Variants in ITPR1 observed in about 807,000 individuals in gnomAD.
ITPR1 encodes inositol 1,4,5-trisphosphate-gated calcium channel ITPR1.
Under a neutral mutation model 318.4 loss-of-function variants are expected in ITPR1, and 96 were observed. The ratio of observed to expected loss-of-function variants is 0.30; its 90% confidence interval spans 0.26 to 0.36. The LOEUF (loss-of-function observed/expected upper bound fraction) is 0.36. Ranked by LOEUF, ITPR1 falls within the 10% of genes least tolerant of loss-of-function variation. ITPR1 has a pLI of 1.00. For missense variants in ITPR1, 2,440 were observed against 3,460.2 expected, an observed-to-expected ratio of 0.71 and a Z score of 7.40; for synonymous variants, 1,312 against 1,289.9, an observed-to-expected ratio of 1.02 and a Z score of -0.37.
chr3:4,508,126 G>C (rs1436310277), intron 2 of ITPR1, among the ~76,000 whole-genome samples: 2 of 152,094 alleles, frequency 1.3e-5, no homozygotes, highest in Non-Finnish European at 2.9e-5. Flanking sequence ...ATGCTCAGAA[G>C]GGTTTCATTT....
intron 60 of ITPR1, among the ~76,000 whole-genome samples, chr3:4,834,807 C>T (rs376329880): frequency 3.2e-4 from 49 of 152,246 alleles, no homozygotes; most frequent in Admixed American, 5.9e-4. Flanking sequence ...TATTTTTTAA[C>T]GATCTTTTGC....
chr3:4,534,840 C>T (rs1368772821), intron 4 of ITPR1, among the ~76,000 whole-genome samples: 3 of 152,142 alleles, frequency 2.0e-5, no homozygotes, highest in South Asian at 2.1e-4. Context: ...TTCCCAGAAT[C>T]GTGGCATTTG....
chr3:4,805,334 G>A (rs566804916), intron 54 of ITPR1, among the ~76,000 whole-genome samples: 1 of 152,246 alleles, frequency 6.6e-6, no homozygotes, highest in Non-Finnish European at 1.5e-5. Context: ...CAGTGGGAAA[G>A]AACAAAATTA....
At chr3:4,613,677 C>A (rs535217483) in intron 4 of ITPR1, among the ~76,000 whole-genome samples, 2 of 152,138 alleles carry the variant, frequency 1.3e-5, no homozygotes, top group African/African-American at 4.8e-5. Flanking sequence ...TCCAGCAGTG[C>A]AAATTGGACA....
At chr3:4,618,573 C>A (rs561027008) in intron 4 of ITPR1, among the ~76,000 whole-genome samples, 1 of 152,246 alleles carries the variant, frequency 6.6e-6, no homozygotes, top group South Asian at 2.1e-4. Context: ...TGCAACCTTC[C>A]CCTAGAGTTA....
intron 4 of ITPR1, among the ~76,000 whole-genome samples, chr3:4,548,377 G>T (rs577817051): frequency 6.6e-6 from 1 of 152,144 alleles, no homozygotes; most frequent in African/African-American, 2.4e-5. Flanking sequence ...AGGGGTGTGC[G>T]TGTGTGTGAA....
At chr3:4,781,868 A>G (rs2046858808) in intron 49 of ITPR1, among the ~76,000 whole-genome samples, 1 of 152,162 alleles carries the variant, frequency 6.6e-6, no homozygotes, top group Non-Finnish European at 1.5e-5. Flanking sequence ...CTGTAGTTCC[A>G]GCTACTTGGG....
At chr3:4,742,664 G>T (rs1042914850) in intron 44 of ITPR1, among the ~76,000 whole-genome samples, 1 of 152,082 alleles carries the variant, frequency 6.6e-6, no homozygotes, top group African/African-American at 2.4e-5. Flanking sequence ...TTGCTATGTT[G>T]CTGAGGCTAG....
chr3:4,630,091 G>A (rs766912700), intron 5 of ITPR1, among the ~76,000 whole-genome samples: 9 of 152,054 alleles, frequency 5.9e-5, no homozygotes, highest in Non-Finnish European at 1.2e-4. Context: ...AAATTATAAA[G>A]GAGAAATAAA....
chr3:4,555,851 G>A (rs1195370289), intron 4 of ITPR1, among the ~76,000 whole-genome samples: 1 of 152,176 alleles, frequency 6.6e-6, no homozygotes, highest in Non-Finnish European at 1.5e-5. Context: ...TACTGCATAA[G>A]GAGGCTTGTC....
Position 4,656,370 on chromosome 3 carries a change from A to G in ITPR1, c.997-1754A>G, listed in dbSNP as rs77211750. 4.3e-3 allele frequency among the ~76,000 whole-genome samples: 657 copies of G among 152,334 alleles called. 4 individuals carry two copies. Among genetic ancestry groups the G allele is most frequent in the African/African-American group, 0.015 (635 of 41,568 alleles). ...TTTTGAAAGTGGCATGTGGAGTAAT[A>G]TGCCAGATGGTTCGGAGAGAACAAA... On this transcript the variant is annotated intron_variant, in intron 12 of 61. Transcript: ENST00000649015.
intron 4 of ITPR1, among the ~76,000 whole-genome samples, chr3:4,600,225 T>G (rs1426705344): frequency 6.6e-6 from 1 of 152,244 alleles, no homozygotes; most frequent in East Asian, 1.9e-4. Context: ...CAGTTTCCAC[T>G]CAAGGCAGAT....
At chr3:4,684,620 A>G (rs979305582) in intron 29 of ITPR1, among the ~76,000 whole-genome samples, 2 of 152,204 alleles carry the variant, frequency 1.3e-5, no homozygotes, top group African/African-American at 4.8e-5. Context: ...AAGCTTTACA[A>G]TTGAAGGAAG....
At chr3:4,506,178 C>T (rs1221415860) in intron 2 of ITPR1, among the ~76,000 whole-genome samples, 1 of 152,198 alleles carries the variant, frequency 6.6e-6, no homozygotes, top group African/African-American at 2.4e-5. Context: ...CTTCCCATTA[C>T]ATTTAGAATA....
intron 10 of ITPR1, among the ~76,000 whole-genome samples, chr3:4,649,209 T>A (rs2093537207): frequency 6.6e-6 from 1 of 152,254 alleles, no homozygotes; most frequent in African/African-American, 2.4e-5. Context: ...ACTGATTTAA[T>A]GTGCCTACTT....
Position 4,710,563 on chromosome 3 carries a change from G to GT in ITPR1, c.4991+96dup, listed in dbSNP as rs2041279423. On this transcript the variant is annotated intron_variant, in intron 38 of 61. Coordinates refer to ENST00000649015, the MANE Select transcript of ITPR1 (RefSeq NM_001378452.1). This position sits in a 1 kb window ranked among gnomAD's most constrained non-coding sequence, Gnocchi z 4.2. ...TTCCCGAAGAAGGAGACGTTGTCCT[G>GT]TTTTTTAACTTTGATGAATGCAAGG... is the stretch of plus-strand genomic sequence containing the variant. The GT allele has an allele frequency of 1.5e-6, 2 of 1,340,424 alleles. No individual in the cohort carries two copies. The highest frequency in any genetic ancestry group is 2.2e-5 in the Admixed American group (1 of 44,946). 83.0% of individuals were successfully genotyped at this position (1,340,424 alleles called of 1,614,324 possible).
At chr3:4,601,901 C>A (rs768575227) in intron 4 of ITPR1, among the ~76,000 whole-genome samples, 1 of 152,104 alleles carries the variant, frequency 6.6e-6, no homozygotes. Context: ...TTTGAATAGA[C>A]GTTTCTCCAA....
chr3:4,584,380 G>A (rs930742819), intron 4 of ITPR1, among the ~76,000 whole-genome samples: 9 of 152,068 alleles, frequency 5.9e-5, no homozygotes, highest in Admixed American at 3.9e-4. Flanking sequence ...ATTCCTTGGA[G>A]CTTATATTCG....
chr3:4,632,299 G>A (rs1350559159), intron 5 of ITPR1, among the ~76,000 whole-genome samples: 2 of 152,166 alleles, frequency 1.3e-5, no homozygotes, highest in African/African-American at 2.4e-5. Context: ...AGATCATTTT[G>A]TTCAGTGAGA....
Sources: allele counts gnomAD v4.1 joint callset (sites outside exome capture counted in the v4.1 genomes callset), GRCh38; gene constraint gnomAD v4.1.1; non-coding constraint Gnocchi (gnomAD v3.1); transcripts MANE v1.5; gene names NCBI Gene and HGNC (gene_info 2026-07-23, HGNC 2026-07-21).